SCLT1: variants seen among roughly 807,000 people sequenced by gnomAD.
SCLT1 encodes sodium channel and clathrin linker 1, also known as sodium channel-associated protein 1.
Under a neutral mutation model 112.8 loss-of-function variants are expected in SCLT1, and 78 were observed. The observed-to-expected ratio is 0.69, with a 90% CI of 0.58 to 0.83. The LOEUF (loss-of-function observed/expected upper bound fraction) is 0.83. SCLT1 is among the 40% of genes least tolerant of loss of function. The pLI, the probability that SCLT1 is intolerant of heterozygous loss-of-function variation, is 0.00. For synonymous variants in SCLT1, 257 were observed against 254.7 expected (o/e 1.01, Z -0.09); for missense variants, 747 against 770.4 (o/e 0.97, Z 0.36).
intron 1 of SCLT1, among the ~76,000 whole-genome samples, chr4:129,090,301 A>C (rs1395933833): frequency 2.0e-5 from 3 of 152,216 alleles, no homozygotes; most frequent in African/African-American, 4.8e-5. Context: ...AATCAGTGGA[A>C]AAGAATAGAG....
rs745982266 is a variant in SCLT1, at chr4:128,970,364, GA to G, written c.777+13del. ...AAGCAATAGGTACCCATTTGTCTTA[GA>G]AATAGAAAATACCTTCTTTTTCATC... is the stretch of plus-strand genomic sequence containing the variant. On this transcript the variant is annotated intron_variant, in intron 10 of 20. Transcript: ENST00000281142. 1.6e-5 allele frequency: 24 copies of G among 1,457,466 alleles called. No individual in the cohort carries two copies. The African/African-American group carries it at 3.2e-4, about 19-fold the overall frequency. The allele number at this position is 1,457,466 out of a possible 1,614,324, so 90.3% of individuals were successfully genotyped here. A position where few individuals can be genotyped will look rare whatever the true frequency, so the allele number is the denominator to read the frequency against.
chr4:128,943,904 C>T (rs886166963), intron 16 of SCLT1, among the ~76,000 whole-genome samples: 28 of 152,214 alleles, frequency 1.8e-4, no homozygotes, highest in African/African-American at 5.8e-4. Flanking sequence ...GGAAATGCTA[C>T]TAATATTGTG....
chr4:128,911,960 C>T (rs915965734), intron 18 of SCLT1, among the ~76,000 whole-genome samples: 7 of 152,250 alleles, frequency 4.6e-5, no homozygotes, highest in South Asian at 2.1e-4. Flanking sequence ...TTTTAAAAGG[C>T]ATATTTTCAG....
intron 13 of SCLT1, among the ~76,000 whole-genome samples, chr4:128,956,252 T>C (rs1212361243): frequency 6.6e-6 from 1 of 152,178 alleles, no homozygotes; most frequent in African/African-American, 2.4e-5. Flanking sequence ...ATTAGAGGAA[T>C]GCTCATACCA....
chr4:128,905,015 A>G lies in SCLT1; in HGVS notation c.1830-13878T>C, dbSNP rs550809170. Among the ~76,000 whole-genome samples, 14 of 152,262 alleles carry G rather than the reference A, an allele frequency of 9.2e-5. No individual in the cohort carries two copies. The South Asian group carries it at 2.7e-3, about 29-fold the overall frequency. ...TGTCTAGTCCATGACTGTAAATATA[A>G]CATTACAAATTTCTATCTTTAGCCT... On this transcript the variant is annotated intron_variant, in intron 18 of 20. Transcript: ENST00000281142.
intron 20 of SCLT1, among the ~76,000 whole-genome samples, chr4:128,885,950 G>A (rs962184346): frequency 3.3e-5 from 5 of 151,650 alleles, no homozygotes; most frequent in African/African-American, 7.3e-5. Context: ...TTTGTCTACC[G>A]GACTGTGGCA....
chr4:128,975,996 T>C, intron 9 of SCLT1, among the ~76,000 whole-genome samples: 1 of 152,208 alleles, frequency 6.6e-6, no homozygotes. Context: ...ACAGTGGCTC[T>C]TCAGTTTTTA....
chr4:129,062,762 C>T (rs768211295), intron 2 of SCLT1, among the ~76,000 whole-genome samples: 3 of 152,058 alleles, frequency 2.0e-5, no homozygotes, highest in Non-Finnish European at 4.4e-5. Context: ...CCATTGATTG[C>T]CTACGGAAGT....
At chr4:128,888,797 A>T (rs1031127589) in intron 19 of SCLT1, 23 bp from the exon 20 acceptor site, 6 of 1,457,738 alleles carry the variant, frequency 4.1e-6, no homozygotes, top group Non-Finnish European at 5.7e-6. Context: ...AATAGAAAAC[A>T]AGTTAGAAAT....
At chr4:128,975,367 A>G (rs1741072791) in intron 9 of SCLT1, among the ~76,000 whole-genome samples, 1 of 152,126 alleles carries the variant, frequency 6.6e-6, no homozygotes, top group African/African-American at 2.4e-5. Context: ...AAACTTTGTT[A>G]AGCAAAATTT....
chr4:128,884,975 A>C (rs1474214203), intron 20 of SCLT1, among the ~76,000 whole-genome samples: 1 of 152,122 alleles, frequency 6.6e-6, no homozygotes, highest in African/African-American at 2.4e-5. Flanking sequence ...TTTCTATTTT[A>C]CTCTTGAAAC....
chr4:129,056,637 GTTTA>G (rs1749421423), intron 2 of SCLT1, among the ~76,000 whole-genome samples: 1 of 152,022 alleles, frequency 6.6e-6, no homozygotes, highest in Non-Finnish European at 1.5e-5. Flanking sequence ...TCTCCCACTA[GTTTA>G]TTTTAGTGTA....
At chr4:129,004,002 C>A in intron 5 of SCLT1, 126 bp from the exon 6 acceptor site, 1 of 795,270 alleles carries the variant, frequency 1.3e-6, no homozygotes, top group Non-Finnish European at 2.0e-6. Context: ...AAGTAGACTT[C>A]AAATAAAAAA....
At position 128,952,855 on chromosome 4, in the gene SCLT1, AT is replaced by A; in HGVS notation, c.1147-16del. On this transcript the variant is annotated splice_polypyrimidine_tract_variant and intron_variant, in intron 13 of 20. Transcript: ENST00000281142. ...GTGTTTGCAACCTGTAAATTAAGAC[AT>A]TTACTCATTATTTGGTTCTAGAATA... 1 of 1,235,242 alleles carries A rather than the reference AT, an allele frequency of 8.1e-7. No individual in the cohort carries two copies. The highest frequency in any genetic ancestry group is 1.2e-6 in the Non-Finnish European group (1 of 836,226). The allele number at this position is 1,235,242 out of a possible 1,614,324, so 76.5% of individuals were successfully genotyped here.
chr4:128,980,476 A>G (rs1741549246), intron 9 of SCLT1, among the ~76,000 whole-genome samples: 1 of 152,222 alleles, frequency 6.6e-6, no homozygotes, highest in Non-Finnish European at 1.5e-5. Flanking sequence ...ATTTAATATG[A>G]TAGAGCAATA....
chr4:128,978,446 A>ACAAAT (rs1741371493), intron 9 of SCLT1, among the ~76,000 whole-genome samples: 1 of 151,842 alleles, frequency 6.6e-6, no homozygotes, highest in Non-Finnish European at 1.5e-5. Flanking sequence ...ACAAAACAAA[A>ACAAAT]CAAAACAAAA....
At chr4:129,060,749 C>T (rs1160426734) in intron 2 of SCLT1, among the ~76,000 whole-genome samples, 1 of 152,116 alleles carries the variant, frequency 6.6e-6, no homozygotes, top group Non-Finnish European at 1.5e-5. Flanking sequence ...AAGAGGATCC[C>T]TGTTGTTCCC....
In SCLT1 at chr4:128,884,295, T is replaced by C. The variant is rs1333684404; in HGVS notation, c.*182A>G. On this transcript the variant is annotated 3_prime_UTR_variant, in exon 21 of 21. Coordinates refer to ENST00000281142, the MANE Select transcript of SCLT1 (RefSeq NM_144643.4). ...TGAAGCTCAATATAGGATTATATTT[T>C]CTTTACTTACAGGAAGTGGTCACTG... 2.5e-5 allele frequency: 12 copies of C among 486,568 alleles called. No individual in the cohort carries two copies. The highest frequency in any genetic ancestry group is 3.9e-5 in the African/African-American group (2 of 50,668). The allele number at this position is 486,568 out of a possible 1,614,324, so 30.1% of individuals were successfully genotyped here. A position where few individuals can be genotyped will look rare whatever the true frequency, so the allele number is the denominator to read the frequency against.
intron 18 of SCLT1, among the ~76,000 whole-genome samples, chr4:128,905,039 C>T (rs1734587982): frequency 6.6e-6 from 1 of 152,140 alleles, no homozygotes; most frequent in Admixed American, 6.5e-5. Context: ...TATCTTTAGC[C>T]TGACCTCTCT....
Sources: gnomAD v4.1 joint callset for allele counts (sites outside exome capture counted in the v4.1 genomes callset) on GRCh38, gnomAD v4.1.1 for gene constraint, MANE v1.5 for transcripts, NCBI Gene and HGNC (gene_info 2026-07-23, HGNC 2026-07-21) for gene names.